MRI1: variants seen among roughly 807,000 people sequenced by gnomAD.
MRI1 encodes methylthioribose-1-phosphate isomerase.
A neutral mutation model predicts 27.3 loss-of-function variants in MRI1; 32 were observed. That is an observed-to-expected ratio of 1.17 (90% CI 0.88 to 1.57). The LOEUF (loss-of-function observed/expected upper bound fraction) is 1.57, where lower values mean the gene tolerates loss of function less well. MRI1 is among the 40% of genes most tolerant of loss of function. MRI1 has a pLI of 0.00. For synonymous variants in MRI1, 216 were observed against 227.4 expected (o/e 0.95, Z 0.45); for missense variants, 508 against 516.1 (o/e 0.98, Z 0.15).
chr19:13,772,061 A>G (rs190982397), intron 5 of MRI1, 60 bp from the exon 6 acceptor site: 192 of 1,505,374 alleles, frequency 1.3e-4, no homozygotes, highest in Admixed American at 1.3e-3. Flanking sequence ...GATGACTACA[A>G]CCTGAGAACT....
Position 13,774,137 on chromosome 19 carries a change from C to T in MRI1, c.*1856C>T, listed in dbSNP as rs931687619. ...TCTTGAAAATATTGTTTACTATTAC[C>T]AAAGTTTTTGAACCTTCTTAAATTC... On this transcript the variant is annotated 3_prime_UTR_variant, in exon 6 of 6. Coordinates refer to ENST00000040663, the MANE Select transcript of MRI1 (RefSeq NM_001031727.4). 2 of 224,926 alleles carry T rather than the reference C, an allele frequency of 8.9e-6. No homozygotes were observed. The highest frequency in any genetic ancestry group is 5.5e-5 in the Admixed American group (1 of 18,174). The allele number at this position is 224,926 out of a possible 1,614,324, so 13.9% of individuals were successfully genotyped here.
chr19:13,768,862 GAC>G lies in MRI1; in HGVS notation c.767_768del (p.Thr256SerfsTer30). 1 of 1,611,486 alleles carries G rather than the reference GAC, an allele frequency of 6.2e-7. No individual in the cohort carries two copies. On this transcript the variant is annotated frameshift_variant, in exon 5 of 6. Transcript: ENST00000040663. LOFTEE classifies it high-confidence loss of function. ...AGCTGACCGCGTGGTTGCCAACGGCGACACAGCCAACAAGGTGGGCACCTACC... is the reference window on the plus strand; with the variant it reads ...AGCTGACCGCGTGGTTGCCAACGGCGACAGCCAACAAGGTGGGCACCTACC... ...VGADRVVANGDTANKVGTYQL... is the reference protein window; with the variant it reads ...VGADRVVANGXTANKVGTYQL...
chr19:13,774,211 G>A lies in MRI1; in HGVS notation c.*1930G>A, dbSNP rs2145210530. The A allele has an allele frequency of 2.4e-6, 1 of 422,410 alleles. No homozygotes were observed. The highest frequency in any genetic ancestry group is 3.6e-5 in the East Asian group (1 of 27,858). The allele number at this position is 422,410 out of a possible 1,614,324, so 26.2% of individuals were successfully genotyped here. The stretch of plus-strand genomic sequence containing the variant: ...CCTAACCTAGTCTGAGTTTTTATGT[G>A]TAAAGATCATAAAACGTTGTAAGTT... On this transcript the variant is annotated 3_prime_UTR_variant, in exon 6 of 6. Coordinates refer to ENST00000040663, the MANE Select transcript of MRI1 (RefSeq NM_001031727.4).
chr19:13,771,751 G>A (rs972716010), intron 5 of MRI1, among the ~76,000 whole-genome samples: 4 of 152,126 alleles, frequency 2.6e-5, no homozygotes, highest in African/African-American at 9.7e-5. Context: ...AGCTACTCGG[G>A]AGGCTGAGGC....
In MRI1 at chr19:13,766,009, A is replaced by G. The variant is rs778593386; in HGVS notation, c.427A>G (p.Ile143Val). The G allele has an allele frequency of 5.6e-6, 9 of 1,613,130 alleles. No homozygotes were observed. Among genetic ancestry groups the G allele is most frequent in the South Asian group, 5.5e-5 (5 of 91,018 alleles). ...LEKDLRDNRS[I>V]GDLGARHLLE... ...GAAAGACCTCAGAGACAACCGAAGC[A>G]TTGGGGACCTAGGAGCCCGCCACCT... The change falls in exon 3 of 6, where the codon ATT (isoleucine) becomes GTT (valine). Residue 143 changes from isoleucine (I) to valine (V), a missense_variant. This residue lies in a region of MRI1 where 457 missense variants were observed against 452.8 expected (regional missense o/e 1.01). Coordinates refer to ENST00000040663, the MANE Select transcript of MRI1 (RefSeq NM_001031727.4).
intron 2 of MRI1, among the ~76,000 whole-genome samples, chr19:13,765,369 A>G (rs1974099318): frequency 6.6e-6 from 1 of 152,122 alleles, no homozygotes; most frequent in Non-Finnish European, 1.5e-5. Context: ...GAATACACGC[A>G]GCCCCTTATC....
chr19:13,769,198 C>G, intron 5 of MRI1, 150 bp downstream of exon 5: 3 of 704,670 alleles, frequency 4.3e-6, no homozygotes, highest in South Asian at 2.0e-5. Context: ...GAGTCTTGCT[C>G]TGTCCCTCAG....
chr19:13,767,616 G>T (rs1034191786), intron 3 of MRI1, among the ~76,000 whole-genome samples: 2 of 147,768 alleles, frequency 1.4e-5, no homozygotes, highest in African/African-American at 5.1e-5. Context: ...ACCAGCCTGG[G>T]CTTCATGGCA....
intron 3 of MRI1, among the ~76,000 whole-genome samples, chr19:13,767,137 C>T (rs943234413): frequency 5.5e-5 from 8 of 144,814 alleles, no homozygotes; most frequent in African/African-American, 1.8e-4. Context: ...ACCTCTGCTT[C>T]CCGGGTTCAA....
In MRI1 at chr19:13,766,108, G is replaced by A. The variant is rs139240039; in HGVS notation, c.526G>A (p.Ala176Thr). 148 of 1,598,106 alleles carry A rather than the reference G, an allele frequency of 9.3e-5. No homozygotes were observed. The East Asian group carries it at 1.3e-3, about 14-fold the overall frequency. Reference sequence around the variant, plus strand: ...CTGTAACACTGGTGCTCTGGCCACCGCTGGCTATGGTACAGCCCTAGGTGA... The same window carrying A: ...CTGTAACACTGGTGCTCTGGCCACCACTGGCTATGGTACAGCCCTAGGTGA... ...THCNTGALAT[A>T]GYGTALGVIR... Residue 176 changes from alanine (A) to threonine (T), a missense_variant, in exon 3 of 6, where the codon GCT becomes ACT. Coordinates refer to ENST00000040663, the MANE Select transcript of MRI1 (RefSeq NM_001031727.4).
chr19:13,764,594 C>T lies in MRI1; in HGVS notation c.6C>T (p.Thr2=). 6.2e-7 allele frequency: 1 copy of T among 1,608,966 alleles called. No homozygotes were observed. Among genetic ancestry groups the T allele is most frequent in the South Asian group, 1.1e-5 (1 of 91,028 alleles). The part of the protein sequence containing the change: M[T]LEAIRYSRGS... ...CTGGGCTTGGCTGCTGCACCATGAC[C>T]CTGGAGGCGATCCGCTACTCGCGGG... The change falls in exon 1 of 6, where the codon ACC becomes ACT. Residue 2 remains threonine (T), a synonymous_variant. Coordinates refer to ENST00000040663, the MANE Select transcript of MRI1 (RefSeq NM_001031727.4).
Position 13,772,400 on chromosome 19 carries a change from CA to C in MRI1, c.*120del. ...TTGTTCCTAGTGCAGGGAGCTCAGA[CA>C]GGGCCTTCCATCTAGAGCCCAGCAC... On this transcript the variant is annotated 3_prime_UTR_variant, in exon 6 of 6. Transcript: ENST00000040663. 2 of 955,996 alleles carry C rather than the reference CA, an allele frequency of 2.1e-6. No individual in the cohort carries two copies. Among genetic ancestry groups the C allele is most frequent in the Non-Finnish European group, 3.0e-6 (2 of 657,382 alleles). The allele number at this position is 955,996 out of a possible 1,614,324, so 59.2% of individuals were successfully genotyped here.
chr19:13,766,002 C>T lies in MRI1; in HGVS notation c.420C>T (p.Asn140=). The T allele has an allele frequency of 3.7e-6, 6 of 1,612,730 alleles. No homozygotes were observed. Among genetic ancestry groups the T allele is most frequent in the Non-Finnish European group, 5.1e-6 (6 of 1,179,538 alleles). Residue 140 remains asparagine, a synonymous_variant, in exon 3 of 6, where the codon AAC becomes AAT. Transcript: ENST00000040663. ...EDMLEKDLRD[N]RSIGDLGARH... is the part of the protein sequence containing the mutation. ...TGCTGGAGAAAGACCTCAGAGACAA[C>T]CGAAGCATTGGGGACCTAGGAGCCC...
Position 13,769,009 on chromosome 19 carries a change from G to A in MRI1, c.910G>A (p.Glu304Lys). 3 of 1,613,664 alleles carry A rather than the reference G, an allele frequency of 1.9e-6. No homozygotes were observed. The highest frequency in any genetic ancestry group is 2.5e-6 in the Non-Finnish European group (3 of 1,179,860). The stretch of plus-strand genomic sequence containing the variant: ...CATTATTGAAGAGCGACCGGGCCAG[G>A]AGCTGACCGATGTTAATGGGGTCCG... ...EIIIEERPGQ[E>K]LTDVNGVRIA... is the part of the protein sequence containing the mutation. Residue 304 changes from glutamate (E) to lysine (K), a missense_variant, in exon 5 of 6, where the codon GAG becomes AAG. This residue lies in a region of MRI1 where 457 missense variants were observed against 452.8 expected (regional missense o/e 1.01). Coordinates refer to ENST00000040663, the MANE Select transcript of MRI1 (RefSeq NM_001031727.4).
At chr19:13,765,146 G>A in intron 2 of MRI1, 37 bp downstream of exon 2, 2 of 1,447,580 alleles carry the variant, frequency 1.4e-6, no homozygotes, top group Non-Finnish European at 1.8e-6. Flanking sequence ...CGCTGAGCAG[G>A]AATTATATTG....
At chr19:13,769,891 G>A (rs10413848) in intron 5 of MRI1, among the ~76,000 whole-genome samples, 3,725 of 151,690 alleles carry the variant, frequency 0.025, 143 homozygotes, top group African/African-American at 0.086. Flanking sequence ...TTGCACTCCA[G>A]CCTGGGCAAC....
At chr19:13,764,796 CGGCG>C (rs1974076994) in intron 1 of MRI1, 71 bp from the exon 2 acceptor site, 1 of 346,960 alleles carries the variant, frequency 2.9e-6, no homozygotes, top group African/African-American at 2.9e-5. Context: ...GGCGGCGGGG[CGGCG>C]GGGCGGCCGG....
intron 3 of MRI1, among the ~76,000 whole-genome samples, chr19:13,767,710 A>C (rs977489628): frequency 3.3e-5 from 5 of 151,858 alleles, no homozygotes; most frequent in Admixed American, 1.3e-4. Flanking sequence ...GAGGGGACTG[A>C]GATGGGAGGA....
rs1232793093 is a variant in MRI1, at chr19:13,774,106, T to C, written c.*1825T>C. 4 of 183,714 alleles carry C rather than the reference T, an allele frequency of 2.2e-5. No homozygotes were observed. The highest frequency in any genetic ancestry group is 7.1e-5 in the African/African-American group (3 of 42,500). The allele number at this position is 183,714 out of a possible 1,614,324, so 11.4% of individuals were successfully genotyped here. A position where few individuals can be genotyped will look rare whatever the true frequency, so the allele number is the denominator to read the frequency against. On this transcript the variant is annotated 3_prime_UTR_variant, in exon 6 of 6. Coordinates refer to ENST00000040663, the MANE Select transcript of MRI1 (RefSeq NM_001031727.4). ...GATTATTTTGGATATTAAAATATTT[T>C]TTAAGTCTTGAAAATATTGTTTACT...
Sources: gnomAD v4.1 joint callset for allele counts (sites outside exome capture counted in the v4.1 genomes callset) on GRCh38, gnomAD v4.1.1 for gene constraint, gnomAD v4.1.1 regional missense constraint, MANE v1.5 for transcripts, NCBI Gene and HGNC (gene_info 2026-07-23, HGNC 2026-07-21) for gene names.